The following TP53BP2 variants were observed in gnomAD, a reference collection of about 807,000 sequenced individuals.
TP53BP2 encodes the protein tumor protein p53 binding protein 2.
A neutral mutation model predicts 126.2 loss-of-function variants in TP53BP2; 62 were observed. The ratio of observed to expected loss-of-function variants is 0.49; its 90% CI spans 0.40 to 0.61. The LOEUF is 0.61. Among genes scored for constraint, TP53BP2 ranks in the 20% least tolerant of loss-of-function variants. The probability of loss-of-function intolerance (pLI) is 0.00; values close to 1 mark genes in which losing one functional copy is unlikely to be tolerated. For synonymous variants in TP53BP2, 485 were observed against 502.9 expected (o/e 0.96, Z 0.48); for missense variants, 1,215 against 1,402.8 (o/e 0.87, Z 2.14).
chr1:223,810,490 G>T lies in TP53BP2; in HGVS notation c.313C>A (p.Pro105Thr), dbSNP rs1191276789. ...TTTACACCATTTCTTTTTAAACTTG[G>T]ATCCTGAGATCTTGGTCCACTCACT... ...DIVSGPRSQD[P>T]SLKRNGVKVP... Residue 105 changes from proline (P) to threonine (T), a missense_variant, in exon 4 of 18, where the codon CCA becomes ACA. Pro to Thr is a conservative substitution (Grantham distance 38). Coordinates refer to ENST00000343537, the MANE Select transcript of TP53BP2 (RefSeq NM_001031685.3). 6 of 1,606,984 alleles carry T rather than the reference G, an allele frequency of 3.7e-6. No homozygotes were observed. In the South Asian group the frequency reaches 6.7e-5, roughly 18 times the overall value.
chr1:223,804,888 T>C (rs1662663421), intron 5 of TP53BP2, among the ~76,000 whole-genome samples: 2 of 152,198 alleles, frequency 1.3e-5, no homozygotes, highest in South Asian at 4.1e-4. Context: ...AAGTGTGAAA[T>C]GTAAATGTCT....
At chr1:223,839,897 G>A (rs113882169) in intron 1 of TP53BP2, among the ~76,000 whole-genome samples, 2,854 of 152,160 alleles carry the variant, frequency 0.019, 83 homozygotes, top group African/African-American at 0.065. Flanking sequence ...ATGGCGCCAC[G>A]CCACTGCACT....
chr1:223,810,948 A>G (rs950516742), intron 3 of TP53BP2, among the ~76,000 whole-genome samples: 4 of 152,214 alleles, frequency 2.6e-5, no homozygotes, highest in Non-Finnish European at 5.9e-5. Flanking sequence ...CTCGCTAACA[A>G]TATTTTTAAC....
chr1:223,783,382 T>G (rs890952416), intron 17 of TP53BP2, among the ~76,000 whole-genome samples: 2 of 152,218 alleles, frequency 1.3e-5, no homozygotes, highest in Non-Finnish European at 2.9e-5. Flanking sequence ...CTTCCCTTCC[T>G]CAACCCTTTC....
intron 1 of TP53BP2, among the ~76,000 whole-genome samples, chr1:223,840,378 A>G (rs1361682459): frequency 6.6e-6 from 1 of 152,230 alleles, no homozygotes; most frequent in Non-Finnish European, 1.5e-5. Flanking sequence ...TTCAGTACCT[A>G]GCACACCATC....
intron 16 of TP53BP2, among the ~76,000 whole-genome samples, chr1:223,788,496 T>C (rs1371960700): frequency 6.6e-6 from 1 of 152,202 alleles, no homozygotes; most frequent in Admixed American, 6.5e-5. Context: ...AGATCTGATG[T>C]TAGCAATCAG....
Position 223,802,747 on chromosome 1 carries a change from T to G in TP53BP2, c.980A>C (p.Gln327Pro). The change falls in exon 8 of 18, where the codon CAA (glutamine) becomes CCA (proline). Residue 327 changes from glutamine (Q) to proline (P), a missense_variant. Physicochemically the swap from Gln to Pro is moderately conservative, Grantham distance 76 (BLOSUM62 -1). Coordinates refer to ENST00000343537, the MANE Select transcript of TP53BP2 (RefSeq NM_001031685.3). ...RLWKKKAALQQKENLPVSSDG... is the reference protein window; with the variant it reads ...RLWKKKAALQPKENLPVSSDG... ...CCCACTTACTGGTAGATTTTCTTTTTGCTGTAGAGCTGCCTTCTTCTTCCA... is the reference window on the plus strand; with the variant it reads ...CCCACTTACTGGTAGATTTTCTTTTGGCTGTAGAGCTGCCTTCTTCTTCCA... 6.2e-7 allele frequency: 1 copy of G among 1,614,116 alleles called. No individual in the cohort carries two copies. Among genetic ancestry groups the G allele is most frequent in the East Asian group, 2.2e-5 (1 of 44,882 alleles).
chr1:223,782,911 G>C (rs1373203092), intron 17 of TP53BP2, among the ~76,000 whole-genome samples: 1 of 152,110 alleles, frequency 6.6e-6, no homozygotes, highest in Admixed American at 6.5e-5. Context: ...TTTGCTGTCA[G>C]GACAGCAGCA....
intron 1 of TP53BP2, among the ~76,000 whole-genome samples, chr1:223,821,650 T>C (rs1204050140): frequency 6.6e-6 from 1 of 152,224 alleles, no homozygotes; most frequent in Non-Finnish European, 1.5e-5. Flanking sequence ...TCATGTTGTT[T>C]GCCAAATACT....
rs551882324 is a variant in TP53BP2, at chr1:223,784,514, G to C, written c.3164-200C>G. Among the ~76,000 whole-genome samples, 325 of 152,182 alleles carry C rather than the reference G, an allele frequency of 2.1e-3. 1 individual carries two copies. Among genetic ancestry groups the C allele is most frequent in the Middle Eastern group, 3.4e-3 (1 of 292 alleles). The stretch of plus-strand genomic sequence containing the variant: ...AACAGTGTATTGGGAACATACAAAG[G>C]ACACATTACTATATGCTATCATCTC... On this transcript the variant is annotated intron_variant, in intron 16 of 17. Transcript: ENST00000343537.
intron 1 of TP53BP2, chr1:223,834,720 G>A (rs1663862797): frequency 1.6e-6 from 1 of 636,826 alleles, no homozygotes; most frequent in Non-Finnish European, 2.0e-6. Context: ...CCCCAGAGTA[G>A]CTCACCTGAT....
chr1:223,838,527 G>A (rs1487046752), intron 1 of TP53BP2, among the ~76,000 whole-genome samples: 2 of 152,210 alleles, frequency 1.3e-5, no homozygotes, highest in Non-Finnish European at 2.9e-5. Flanking sequence ...AGTCACTGCT[G>A]CACCATTCGA....
intron 3 of TP53BP2, among the ~76,000 whole-genome samples, chr1:223,810,773 A>G (rs1662883575): frequency 6.6e-6 from 1 of 152,220 alleles, no homozygotes; most frequent in Non-Finnish European, 1.5e-5. Context: ...TCTGATTCAC[A>G]TACCAAAGGA....
At chr1:223,801,987 C>A in intron 9 of TP53BP2, 129 bp downstream of exon 9, 1 of 935,784 alleles carries the variant, frequency 1.1e-6, no homozygotes, top group African/African-American at 1.7e-5. Flanking sequence ...ATTACACCAG[C>A]AAAGAATATA....
chr1:223,834,324 CAG>C (rs879613059), intron 1 of TP53BP2, among the ~76,000 whole-genome samples: 20 of 152,242 alleles, frequency 1.3e-4, no homozygotes, highest in South Asian at 1.0e-3. Context: ...TCAGAAACCC[CAG>C]AGGAGAGGCC....
At chr1:223,831,399 CAAA>C (rs530821786) in intron 1 of TP53BP2, among the ~76,000 whole-genome samples, 9 of 64,962 alleles carry the variant, frequency 1.4e-4, no homozygotes, top group Admixed American at 1.1e-3. Context: ...CGCTGTCTCC[CAAA>C]AAAAAAAAAA....
At chr1:223,815,269 C>T (rs1484558695) in intron 2 of TP53BP2, among the ~76,000 whole-genome samples, 4 of 152,188 alleles carry the variant, frequency 2.6e-5, no homozygotes, top group African/African-American at 9.7e-5. Flanking sequence ...GGTGAACCAA[C>T]CCTGAACTTA....
chr1:223,806,112 T>C (rs1212325190), intron 5 of TP53BP2, among the ~76,000 whole-genome samples: 1 of 152,198 alleles, frequency 6.6e-6, no homozygotes, highest in Non-Finnish European at 1.5e-5. Context: ...CAGCCCGTTA[T>C]TGGTGCCAAG....
At position 223,798,495 on chromosome 1, in the gene TP53BP2, C is replaced by A; in HGVS notation, c.1668G>T (p.Gln556His). 1.2e-6 allele frequency: 2 copies of A among 1,614,180 alleles called. No homozygotes were observed. Among genetic ancestry groups the A allele is most frequent in the South Asian group, 2.2e-5 (2 of 91,078 alleles). ...MGTKPKPAGQ[Q>H]PRVLLSPSIP... ...TGCTGGGAGATAGCAGCACTCTCGGCTGCTGCCCTGCTGGTTTTGGTTTAG... is the reference window on the plus strand; with the variant it reads ...TGCTGGGAGATAGCAGCACTCTCGGATGCTGCCCTGCTGGTTTTGGTTTAG... Residue 556 changes from glutamine to histidine, a missense_variant, in exon 12 of 18, where the codon CAG becomes CAT. Physicochemically the swap from Gln to His is conservative, Grantham distance 24. This residue lies in a region of TP53BP2 where 814 missense variants were observed against 853.0 expected (regional missense o/e 0.95). Coordinates refer to ENST00000343537, the MANE Select transcript of TP53BP2 (RefSeq NM_001031685.3).
Sources: gnomAD v4.1 joint callset for allele counts (sites outside exome capture counted in the v4.1 genomes callset) on GRCh38, gnomAD v4.1.1 for gene constraint, gnomAD v4.1.1 regional missense constraint, MANE v1.5 for transcripts, NCBI Gene and HGNC (gene_info 2026-07-23, HGNC 2026-07-21) for gene names.